NCALD: variants seen among roughly 807,000 people sequenced by gnomAD.
NCALD encodes the protein neurocalcin-delta.
Under a neutral mutation model 18.6 loss-of-function variants are expected in NCALD, and 10 were observed. That is an observed-to-expected ratio of 0.54 (90% CI 0.33 to 0.91). The LOEUF is 0.91. Among genes scored for constraint, NCALD ranks in the 40% least tolerant of loss-of-function variants. The probability of loss-of-function intolerance (pLI) is 0.03; values close to 1 mark genes in which losing one functional copy is unlikely to be tolerated. For synonymous variants in NCALD, 88 were observed against 87.4 expected, an observed-to-expected ratio of 1.01 and a Z score of -0.04; for missense variants, 184 against 247.6, an observed-to-expected ratio of 0.74 and a Z score of 1.72.
At chr8:101,775,801 G>A (rs147544082) in intron 1 of NCALD, among the ~76,000 whole-genome samples, 6 of 152,296 alleles carry the variant, frequency 3.9e-5, no homozygotes, top group East Asian at 1.9e-4. Flanking sequence ...TGCTGAGAAC[G>A]TGTCCCTTTA....
Position 101,785,280 on chromosome 8 carries a change from G to A in NCALD, c.-20+5582C>T, listed in dbSNP as rs546427009. Among the ~76,000 whole-genome samples the A allele has an allele frequency of 2.6e-5, 4 of 152,324 alleles. No individual in the cohort carries two copies. In the East Asian group the frequency reaches 5.8e-4, roughly 22 times the overall value. On this transcript the variant is annotated intron_variant, in intron 1 of 3. Transcript: ENST00000220931. The stretch of plus-strand genomic sequence containing the variant: ...GATTCTTCCTGCCTCCTCGGGGGAT[G>A]GTGGTGGCAGCACTACCAGAAGTAG...
chr8:101,921,241 C>A (rs1213908230), intron 2 of NCALD, among the ~76,000 whole-genome samples: 2 of 149,226 alleles, frequency 1.3e-5, no homozygotes, highest in Non-Finnish European at 1.5e-5. Context: ...GGACCAAAGC[C>A]CTTTTCAGAA....
intron 2 of NCALD, among the ~76,000 whole-genome samples, chr8:101,980,277 T>C (rs1820569937): frequency 6.6e-6 from 1 of 152,174 alleles, no homozygotes. Context: ...AGATGCTGTG[T>C]CACAGTTATG....
chr8:101,867,791 C>T (rs959864273), intron 4 of NCALD, among the ~76,000 whole-genome samples: 7 of 152,032 alleles, frequency 4.6e-5, no homozygotes, highest in Admixed American at 3.9e-4. Flanking sequence ...ATGAATTTTT[C>T]GGCTTTGGGT....
At chr8:102,099,167 C>A (rs1409252388) in intron 1 of NCALD, among the ~76,000 whole-genome samples, 1 of 152,178 alleles carries the variant, frequency 6.6e-6, no homozygotes, top group East Asian at 1.9e-4. Flanking sequence ...GTTATCCAAG[C>A]TATTTTGTCT....
intron 3 of NCALD, chr8:101,691,897 G>C (rs1814744912): frequency 1.0e-6 from 1 of 985,312 alleles, no homozygotes; most frequent in South Asian, 4.7e-5. Context: ...GAACAGATCG[G>C]GTGAGCTGAT....
intron 2 of NCALD, among the ~76,000 whole-genome samples, chr8:101,971,532 T>G (rs1292432110): frequency 6.6e-6 from 1 of 152,136 alleles, no homozygotes; most frequent in South Asian, 2.1e-4. Flanking sequence ...TCTGCTGCCA[T>G]GTAAGACATG....
intron 3 of NCALD, among the ~76,000 whole-genome samples, chr8:101,907,514 T>G (rs187831211): frequency 2.7e-5 from 4 of 150,818 alleles, no homozygotes; most frequent in African/African-American, 4.8e-5. Context: ...TTAATAAATT[T>G]TATTATTGTA....
chr8:101,943,901 G>A lies in NCALD; in HGVS notation c.-156-28043C>T, dbSNP rs149050122. Among the ~76,000 whole-genome samples, 867 of 151,764 alleles carry A rather than the reference G, an allele frequency of 5.7e-3. 10 individuals carry two copies. The highest frequency in any genetic ancestry group is 0.018 in the African/African-American group (757 of 41,354). On this transcript the variant is annotated intron_variant, in intron 2 of 6. Coordinates refer to the NCALD transcript ENST00000311028. ...GGTTGCAGTGAGCCGAGATCACACC[G>A]CTGCACTCCAGCCTGGGCAACAGAG...
chr8:102,017,439 C>T (rs747657391), intron 2 of NCALD, among the ~76,000 whole-genome samples: 1 of 152,100 alleles, frequency 6.6e-6, no homozygotes, highest in African/African-American at 2.4e-5. Flanking sequence ...CCAGGCTGAG[C>T]GCGGTGGCTC....
chr8:101,929,348 G>GGA, intron 2 of NCALD, among the ~76,000 whole-genome samples: 2 of 56,448 alleles, frequency 3.5e-5, no homozygotes, highest in South Asian at 1.1e-3. Flanking sequence ...AGGGAGGGAG[G>GGA]AAGGAAAGGG....
At chr8:101,935,187 A>T (rs966572943) in intron 2 of NCALD, among the ~76,000 whole-genome samples, 6 of 152,140 alleles carry the variant, frequency 3.9e-5, no homozygotes, top group African/African-American at 9.7e-5. Flanking sequence ...GCAAAAAAAA[A>T]ATATAGGTGA....
intron 1 of NCALD, chr8:101,749,869 T>C (rs1272439810): frequency 6.6e-6 from 1 of 152,282 alleles, no homozygotes; most frequent in Admixed American, 6.5e-5. Flanking sequence ...TCATCCCTTT[T>C]ACTTCCACAT....
intron 3 of NCALD, among the ~76,000 whole-genome samples, chr8:101,893,236 A>G (rs1397563684): frequency 1.3e-5 from 2 of 151,780 alleles, no homozygotes; most frequent in Non-Finnish European, 2.9e-5. Context: ...AGAATTGTCA[A>G]CCCAGAATTT....
intron 2 of NCALD, among the ~76,000 whole-genome samples, chr8:101,701,759 G>C (rs1314564740): frequency 6.6e-6 from 1 of 152,134 alleles, no homozygotes; most frequent in Non-Finnish European, 1.5e-5. Context: ...CAGGAAACCA[G>C]ACACCCACGT....
intron 2 of NCALD, among the ~76,000 whole-genome samples, chr8:101,709,105 C>T (rs143479833): frequency 7.2e-5 from 11 of 152,298 alleles, no homozygotes; most frequent in Non-Finnish European, 1.3e-4. Context: ...AGTGTGGGAG[C>T]GGGCCTGCGC....
chr8:101,811,751 A>T (rs1191589590), intron 4 of NCALD, among the ~76,000 whole-genome samples: 2 of 152,158 alleles, frequency 1.3e-5, no homozygotes, highest in African/African-American at 4.8e-5. Flanking sequence ...TTACGGAAAA[A>T]CCTACTGCAG....
At chr8:102,007,132 G>A (rs1190868782) in intron 2 of NCALD, among the ~76,000 whole-genome samples, 1 of 152,228 alleles carries the variant, frequency 6.6e-6, no homozygotes, top group African/African-American at 2.4e-5. Flanking sequence ...TAATGTGATA[G>A]CCTGGATTAA....
At chr8:101,901,140 CCTT>C (rs1159785140) in intron 3 of NCALD, among the ~76,000 whole-genome samples, 2 of 151,842 alleles carry the variant, frequency 1.3e-5, no homozygotes, top group Non-Finnish European at 1.5e-5. Flanking sequence ...TCTAAAGTCT[CCTT>C]TAACATTCAT....
Sources: allele counts gnomAD v4.1 joint callset (sites outside exome capture counted in the v4.1 genomes callset), GRCh38; gene constraint gnomAD v4.1.1; transcripts MANE v1.5; gene names NCBI Gene and HGNC (gene_info 2026-07-23, HGNC 2026-07-21).